RCOR1: variants seen among roughly 807,000 people sequenced by gnomAD.
The protein encoded by RCOR1 is REST corepressor 1.
A neutral mutation model predicts 64.0 loss-of-function variants in RCOR1; 12 were observed. That is an observed-to-expected ratio of 0.19 (90% CI 0.12 to 0.30). The LOEUF (loss-of-function observed/expected upper bound fraction) is 0.30, where lower values mean the gene tolerates loss of function less well. Ranked by LOEUF, RCOR1 falls within the 10% of genes least tolerant of loss-of-function variation. RCOR1 has a pLI of 1.00. For missense variants in RCOR1, 502 were observed against 621.2 expected, an observed-to-expected ratio of 0.81 and a Z score of 2.04; for synonymous variants, 279 against 227.2, an observed-to-expected ratio of 1.23 and a Z score of -2.05.
At chr14:102,605,028 A>G (rs1893475343) in intron 2 of RCOR1, among the ~76,000 whole-genome samples, 1 of 142,436 alleles carries the variant, frequency 7.0e-6, no homozygotes, top group African/African-American at 2.6e-5. Flanking sequence ...AGATCGTGCC[A>G]CTGCACTCCA....
chr14:102,680,217 CTATTAA>C (rs942360359), intron 2 of RCOR1, among the ~76,000 whole-genome samples: 23 of 151,782 alleles, frequency 1.5e-4, no homozygotes, highest in Non-Finnish European at 2.9e-4. Context: ...TGACTATTTA[CTATTAA>C]TATTATTTCC....
intron 3 of RCOR1, among the ~76,000 whole-genome samples, chr14:102,699,683 A>G (rs1895716572): frequency 6.6e-6 from 1 of 151,556 alleles, no homozygotes; most frequent in Non-Finnish European, 1.5e-5. Context: ...AGAGAGTAAG[A>G]TTTAGGAGCC....
At chr14:102,694,263 A>T (rs1462302714) in intron 3 of RCOR1, among the ~76,000 whole-genome samples, 3 of 152,124 alleles carry the variant, frequency 2.0e-5, no homozygotes, top group South Asian at 2.1e-4. Context: ...GCTTTAAAAA[A>T]TTTATTTTTT....
intron 2 of RCOR1, among the ~76,000 whole-genome samples, chr14:102,642,073 T>C (rs1456794662): frequency 1.3e-5 from 2 of 152,168 alleles, no homozygotes; most frequent in African/African-American, 2.4e-5. Flanking sequence ...GTGGTTAACA[T>C]AGGGATTGAT....
At chr14:102,704,116 C>T (rs1011091480) in intron 4 of RCOR1, among the ~76,000 whole-genome samples, 1 of 152,206 alleles carries the variant, frequency 6.6e-6, no homozygotes, top group South Asian at 2.1e-4. Context: ...TTTGCCAGGG[C>T]TTGTTTACTA....
At chr14:102,673,027 A>G (rs1442047244) in intron 2 of RCOR1, among the ~76,000 whole-genome samples, 1 of 152,124 alleles carries the variant, frequency 6.6e-6, no homozygotes, top group African/African-American at 2.4e-5. Flanking sequence ...ACAAAATAGT[A>G]TTTGTCTGCT....
intron 9 of RCOR1, 79 bp from the exon 10 acceptor site, chr14:102,721,241 A>T: frequency 7.5e-7 from 1 of 1,338,858 alleles, no homozygotes; most frequent in Non-Finnish European, 1.1e-6. Context: ...GATAAGAGAA[A>T]ATGAAAGGTT....
chr14:102,658,733 A>G (rs762407381), intron 2 of RCOR1: 22 of 651,882 alleles, frequency 3.4e-5, no homozygotes, highest in Middle Eastern at 7.5e-4. Flanking sequence ...TAGTTTTCCC[A>G]TTAATGTCCA....
intron 3 of RCOR1, among the ~76,000 whole-genome samples, chr14:102,693,539 C>T (rs1895581380): frequency 1.3e-5 from 2 of 151,990 alleles, no homozygotes; most frequent in African/African-American, 4.8e-5. Flanking sequence ...AACAGTGGGA[C>T]TTAACAGTGG....
intron 2 of RCOR1, among the ~76,000 whole-genome samples, chr14:102,609,467 T>G (rs1244997341): frequency 6.6e-6 from 1 of 151,972 alleles, no homozygotes; most frequent in Non-Finnish European, 1.5e-5. Flanking sequence ...TGAGATGGAG[T>G]CTCACTCTGT....
chr14:102,647,326 C>G (rs779909362), intron 2 of RCOR1, among the ~76,000 whole-genome samples: 5 of 151,596 alleles, frequency 3.3e-5, no homozygotes, highest in African/African-American at 4.8e-5. Context: ...ATTTTTTTTT[C>G]TTCTTTTTTG....
At chr14:102,680,877 C>T (rs915766826) in intron 2 of RCOR1, among the ~76,000 whole-genome samples, 11 of 152,202 alleles carry the variant, frequency 7.2e-5, no homozygotes, top group Admixed American at 7.2e-4. Flanking sequence ...ATCCTCTTCC[C>T]ATCTGCAACA....
At chr14:102,600,578 T>C (rs1247483758) in intron 2 of RCOR1, among the ~76,000 whole-genome samples, 2 of 150,122 alleles carry the variant, frequency 1.3e-5, no homozygotes, top group East Asian at 2.0e-4. Flanking sequence ...ATTTTTTTTT[T>C]TTTTTTTTTG....
At chr14:102,629,494 T>C (rs187702834) in intron 2 of RCOR1, among the ~76,000 whole-genome samples, 1 of 149,692 alleles carries the variant, frequency 6.7e-6, no homozygotes, top group Non-Finnish European at 1.5e-5. Context: ...AATTTGCCTC[T>C]CAGTAACAAG....
At position 102,653,920 on chromosome 14, in the gene RCOR1, C is replaced by CTTCTTTCTTTCTTTCTTTCT. The variant is rs553960381; in HGVS notation, c.362-27928_362-27909dup. ...TACCTAGTCTCATCTCAGGTATTTC[C>CTTCTTTCTTTCTTTCTTTCT]TTCTTTCTTTCTTTCTTTCTTTCTT... On this transcript the variant is annotated intron_variant, in intron 2 of 11. Coordinates refer to ENST00000262241, the MANE Select transcript of RCOR1 (RefSeq NM_015156.4). Among the ~76,000 whole-genome samples, 87 of 98,920 alleles carry CTTCTTTCTTTCTTTCTTTCT rather than the reference C, an allele frequency of 8.8e-4. 1 individual carries two copies. Among genetic ancestry groups the CTTCTTTCTTTCTTTCTTTCT allele is most frequent in the East Asian group, 2.9e-3 (8 of 2,784 alleles). The allele number at this position is 98,920 out of a possible 152,430, so 64.9% of individuals were successfully genotyped here. A position where few individuals can be genotyped will look rare whatever the true frequency, so the allele number is the denominator to read the frequency against.
At chr14:102,646,746 G>C (rs1894484166) in intron 2 of RCOR1, among the ~76,000 whole-genome samples, 1 of 152,220 alleles carries the variant, frequency 6.6e-6, no homozygotes. Flanking sequence ...TGTGGTTATA[G>C]AGGAGAATGC....
At chr14:102,643,333 A>G in intron 2 of RCOR1, 2 of 980,428 alleles carry the variant, frequency 2.0e-6, no homozygotes, top group Non-Finnish European at 2.4e-6. Flanking sequence ...CAAACCTTAT[A>G]GAGCTTCCAG....
chr14:102,726,055 G>A (rs574344648), intron 11 of RCOR1, among the ~76,000 whole-genome samples: 6 of 152,150 alleles, frequency 3.9e-5, no homozygotes, highest in African/African-American at 9.7e-5. Flanking sequence ...TGGGCTGGGC[G>A]TGGGGGCCCA....
Position 102,681,972 on chromosome 14 carries a change from G to A in RCOR1, c.439G>A (p.Ala147Thr), listed in dbSNP as rs146200620. ...GTCACCCAATCAAAATCTGTCAGAAGCAAAGTGTAAGTCTTGGAGCACTTT... is the reference window on the plus strand; with the variant it reads ...GTCACCCAATCAAAATCTGTCAGAAACAAAGTGTAAGTCTTGGAGCACTTT... ...VWSPNQNLSEAKLDEYIAIAK... is the reference protein window; with the variant it reads ...VWSPNQNLSETKLDEYIAIAK... The change falls in exon 3 of 12, where the codon GCA becomes ACA. Residue 147 changes from alanine to threonine, a missense_variant. Transcript: ENST00000262241. 104 of 1,611,720 alleles carry A rather than the reference G, an allele frequency of 6.5e-5. No homozygotes were observed. The African/African-American group carries it at 1.3e-3, about 20-fold the overall frequency.
Sources: gnomAD v4.1 joint callset for allele counts (sites outside exome capture counted in the v4.1 genomes callset) on GRCh38, gnomAD v4.1.1 for gene constraint, MANE v1.5 for transcripts, NCBI Gene and HGNC (gene_info 2026-07-23, HGNC 2026-07-21) for gene names.